TRIM22: variants seen among roughly 807,000 people sequenced by gnomAD.
The protein encoded by TRIM22 is E3 ubiquitin-protein ligase TRIM22.
Under a neutral mutation model 53.6 loss-of-function variants are expected in TRIM22, and 45 were observed. That is an observed-to-expected ratio of 0.84 (90% confidence interval 0.66 to 1.08). The LOEUF (loss-of-function observed/expected upper bound fraction) is 1.08, where lower values mean the gene tolerates loss of function less well. Ranked by LOEUF, TRIM22 falls within the 50% of genes least tolerant of loss-of-function variation. The pLI is 0.00. For synonymous variants in TRIM22, 225 were observed against 216.6 expected, an observed-to-expected ratio of 1.04 and a Z score of -0.34; for missense variants, 616 against 590.9, an observed-to-expected ratio of 1.04 and a Z score of -0.44.
chr11:5,706,743 C>T, intron 5 of TRIM22, 127 bp downstream of exon 5: 1 of 959,434 alleles, frequency 1.0e-6, no homozygotes, highest in Middle Eastern at 2.6e-4. Context: ...TTAAATTGTC[C>T]CAAATTGCTA....
intron 5 of TRIM22, among the ~76,000 whole-genome samples, chr11:5,707,450 C>T (rs1853478249): frequency 6.6e-6 from 1 of 152,144 alleles, no homozygotes; most frequent in Non-Finnish European, 1.5e-5. Context: ...TCCTGGTGGA[C>T]CCACTGAGAT....
chr11:5,704,328 TC>T (rs1853424891), intron 4 of TRIM22, among the ~76,000 whole-genome samples: 1 of 152,184 alleles, frequency 6.6e-6, no homozygotes, highest in Non-Finnish European at 1.5e-5. Context: ...CACACGCTAG[TC>T]TTTTTCTTGA....
rs751412612 is a variant in TRIM22 at position 5,696,275 on chromosome 11, T to A, written c.43T>A (p.Cys15Ser). The change falls in exon 2 of 8, where the codon TGC becomes AGC. Residue 15 changes from cysteine to serine, a missense_variant. Cys to Ser is a moderately radical substitution (Grantham distance 112). Transcript: ENST00000379965. Reference sequence around the variant, plus strand: ...GGTAGACATAGAGAAGGAGGTGACCTGCCCCATCTGCCTGGAGCTCCTGAC... The same window carrying A: ...GGTAGACATAGAGAAGGAGGTGACCAGCCCCATCTGCCTGGAGCTCCTGAC... ...VKVDIEKEVT[C>S]PICLELLTEP... is the part of the protein sequence containing the mutation. The A allele has an allele frequency of 3.7e-6, 6 of 1,613,786 alleles. No individual in the cohort carries two copies. In the Admixed American group the frequency reaches 5.0e-5, roughly 13 times the overall value.
chr11:5,708,397 C>T, intron 6 of TRIM22, 124 bp downstream of exon 6: 3 of 1,042,980 alleles, frequency 2.9e-6, no homozygotes, highest in Non-Finnish European at 4.3e-6. Flanking sequence ...GAGGAAAATC[C>T]TGTGCTGTAG....
chr11:5,696,072 T>C (rs1481564913), intron 1 of TRIM22, 95 bp from the exon 2 acceptor site: 1 of 571,306 alleles, frequency 1.8e-6, no homozygotes, highest in Non-Finnish European at 2.9e-6. Flanking sequence ...CCTTTCTCTG[T>C]TAAATATTAA....
rs759477477 is a variant in TRIM22, at chr11:5,708,607, AGAT to A, written c.901+8_901+10del. ...ACAGATGTCCAGTACTACTGGGGTA[AGAT>A]GATATGGGGTTTTCAAATCACTTCC... On this transcript the variant is annotated splice_donor_5th_base_variant and intron_variant, in intron 7 of 7. Coordinates refer to ENST00000379965, the MANE Select transcript of TRIM22 (RefSeq NM_006074.5). 2 of 1,607,158 alleles carry A rather than the reference AGAT, an allele frequency of 1.2e-6. No homozygotes were observed. Among genetic ancestry groups the A allele is most frequent in the Admixed American group, 1.7e-5 (1 of 57,990 alleles).
rs1003978604 is a variant in TRIM22, at chr11:5,709,987, T to C, written c.*339T>C. 1 of 230,856 alleles carries C rather than the reference T, an allele frequency of 4.3e-6. No individual in the cohort carries two copies. The highest frequency in any genetic ancestry group is 8.5e-6 in the Non-Finnish European group (1 of 117,382). The allele number at this position is 230,856 out of a possible 1,614,324, so 14.3% of individuals were successfully genotyped here. A position where few individuals can be genotyped will look rare whatever the true frequency, so the allele number is the denominator to read the frequency against. On this transcript the variant is annotated 3_prime_UTR_variant, in exon 8 of 8. Coordinates refer to ENST00000379965, the MANE Select transcript of TRIM22 (RefSeq NM_006074.5). ...CCTATGACTCTTCACATTGTCTTTATGTACATCTCTGTGCCCAAGTTTTCC... is the reference window on the plus strand; with the variant it reads ...CCTATGACTCTTCACATTGTCTTTACGTACATCTCTGTGCCCAAGTTTTCC...
intron 1 of TRIM22, among the ~76,000 whole-genome samples, chr11:5,694,788 T>C (rs561268175): frequency 3.2e-4 from 49 of 152,216 alleles, no homozygotes; most frequent in African/African-American, 1.2e-3. Flanking sequence ...ATTATGGTGT[T>C]GGTGGTGGTG....
At position 5,696,675 on chromosome 11, in the gene TRIM22, A is replaced by T; in HGVS notation, c.423+20A>T. The T allele has an allele frequency of 6.3e-7, 1 of 1,592,584 alleles. No homozygotes were observed. Among genetic ancestry groups the T allele is most frequent in the Non-Finnish European group, 8.5e-7 (1 of 1,173,162 alleles). On this transcript the variant is annotated intron_variant, in intron 2 of 7. Transcript: ENST00000379965. ...TGTCAGGTAGGCTCCAAGATAGAGG[A>T]AGAGAGAGCAGAGAGCAGAAGATGG...
In TRIM22 at chr11:5,702,146, G is replaced by A. The variant is rs1029026285; in HGVS notation, c.750+3601G>A. Among the ~76,000 whole-genome samples the A allele has an allele frequency of 5.0e-5, 7 of 140,890 alleles. No homozygotes were observed. The South Asian group carries it at 8.8e-4, about 18-fold the overall frequency. 92.4% of individuals were successfully genotyped at this position (140,890 alleles called of 152,430 possible). On this transcript the variant is annotated intron_variant, in intron 4 of 7. Transcript: ENST00000379965. The stretch of plus-strand genomic sequence containing the variant: ...TAGTTATATATTACATATACATAAC[G>A]AATATATATTAGTTATATATTACAT...
chr11:5,703,388 T>C (rs1435568483), intron 4 of TRIM22, among the ~76,000 whole-genome samples: 2 of 98,696 alleles, frequency 2.0e-5, no homozygotes, highest in Non-Finnish European at 4.7e-5. Flanking sequence ...TATTCTTTTT[T>C]TTTCTTTTTT....
intron 1 of TRIM22, among the ~76,000 whole-genome samples, chr11:5,695,959 G>A (rs540653999): frequency 1.3e-5 from 2 of 152,198 alleles, no homozygotes; most frequent in East Asian, 3.9e-4. Flanking sequence ...GCCTTGATGG[G>A]GTGAAATTTG....
At chr11:5,698,753 C>T (rs1590314970) in intron 4 of TRIM22, among the ~76,000 whole-genome samples, 1 of 152,286 alleles carries the variant, frequency 6.6e-6, no homozygotes, top group South Asian at 2.1e-4. Flanking sequence ...CATTATTATT[C>T]ACTTATGAGA....
In TRIM22 at chr11:5,709,586, T is replaced by C; in HGVS notation, c.1435T>C (p.Tyr479His). The C allele has an allele frequency of 6.2e-7, 1 of 1,613,440 alleles. No individual in the cohort carries two copies. The highest frequency in any genetic ancestry group is 8.5e-7 in the Non-Finnish European group (1 of 1,180,026). The change falls in exon 8 of 8, where the codon TAT (tyrosine) becomes CAT (histidine). Residue 479 changes from tyrosine (Y) to histidine (H), a missense_variant. Transcript: ENST00000379965. ...TGGATGTCGCTTTTCTCGACCTGCT[T>C]ATCCGTATTTCAATCCTTGGAACTG... ...FSGCRFSRPA[Y>H]PYFNPWNCLV...
intron 1 of TRIM22, among the ~76,000 whole-genome samples, chr11:5,693,032 C>T (rs1853198102): frequency 1.3e-5 from 2 of 151,668 alleles, no homozygotes; most frequent in Admixed American, 1.3e-4. Flanking sequence ...ACTGCTGTCA[C>T]ACCTGGCTAA....
chr11:5,697,611 C>T, intron 3 of TRIM22: 1 of 370,088 alleles, frequency 2.7e-6, no homozygotes, highest in Non-Finnish European at 4.9e-6. Context: ...CCATTTGTGT[C>T]ATCAGGTTTG....
At chr11:5,696,681 G>C (rs763249465) in intron 2 of TRIM22, 26 bp downstream of exon 2, 5 of 1,581,470 alleles carry the variant, frequency 3.2e-6, no homozygotes, top group Non-Finnish European at 4.3e-6. Context: ...GAGGAAGAGA[G>C]AGCAGAGAGC....
intron 4 of TRIM22, among the ~76,000 whole-genome samples, chr11:5,704,322 C>G (rs973221140): frequency 1.3e-5 from 2 of 152,004 alleles, no homozygotes; most frequent in Non-Finnish European, 2.9e-5. Flanking sequence ...AAACCACACA[C>G]GCTAGTCTTT....
intron 1 of TRIM22, among the ~76,000 whole-genome samples, chr11:5,691,363 T>C (rs1853169905): frequency 6.6e-6 from 1 of 152,090 alleles, no homozygotes; most frequent in South Asian, 2.1e-4. Context: ...ACACCGGTAA[T>C]TAGATCGGAA....
Sources: allele counts gnomAD v4.1 joint callset (sites outside exome capture counted in the v4.1 genomes callset), GRCh38; gene constraint gnomAD v4.1.1; transcripts MANE v1.5; gene names NCBI Gene and HGNC (gene_info 2026-07-23, HGNC 2026-07-21).